Variants in TRRAP observed in about 807,000 individuals in gnomAD.
The protein encoded by TRRAP is transformation/transcription domain-associated protein.
Under a neutral mutation model 438.8 loss-of-function variants are expected in TRRAP, and 41 were observed. That is an observed-to-expected ratio of 0.09 (90% confidence interval 0.07 to 0.12). TRRAP has a LOEUF of 0.12. Ranked by LOEUF, TRRAP falls within the 10% of genes least tolerant of loss-of-function variation. TRRAP has a pLI of 1.00. For missense variants in TRRAP, 3,122 were observed against 5,055.1 expected, an observed-to-expected ratio of 0.62 and a Z score of 11.60; for synonymous variants, 1,994 against 1,962.9, an observed-to-expected ratio of 1.02 and a Z score of -0.42.
At position 98,908,777 on chromosome 7, in the gene TRRAP, C is replaced by A; in HGVS notation, c.1165C>A (p.His389Asn). Residue 389 changes from histidine to asparagine, a missense_variant, in exon 14 of 73, where the codon CAC becomes AAC. Physicochemically the swap from His to Asn is moderately conservative, Grantham distance 68. Coordinates refer to ENST00000456197, the MANE Select transcript of TRRAP (RefSeq NM_001375524.1). This position sits in a 1 kb window ranked among gnomAD's most constrained non-coding sequence, Gnocchi z 4.1. ...LADLVHHVRQHLPLSDLSLAV... is the reference protein window; with the variant it reads ...LADLVHHVRQNLPLSDLSLAV... ...CGACCTCGTGCACCATGTCCGCCAG[C>A]ACCTGCCCCTCAGCGACCTCTCCCT... The A allele has an allele frequency of 6.3e-7, 1 of 1,579,940 alleles. No homozygotes were observed.
intron 2 of TRRAP, 115 bp from the exon 3 acceptor site, chr7:98,881,860 C>T (rs188616375): frequency 3.5e-6 from 4 of 1,141,408 alleles, no homozygotes; most frequent in East Asian, 2.5e-5. Flanking sequence ...TAGGCCATGA[C>T]AGTCAAACTG....
intron 22 of TRRAP, among the ~76,000 whole-genome samples, 153 bp from the exon 23 acceptor site, chr7:98,927,014 A>G (rs1790079459): frequency 6.6e-6 from 1 of 152,162 alleles, no homozygotes; most frequent in Non-Finnish European, 1.5e-5. Context: ...GCGAGACTCC[A>G]TCCAGGTGTT....
intron 30 of TRRAP, among the ~76,000 whole-genome samples, chr7:98,940,999 C>G (rs1554415462): frequency 6.6e-6 from 1 of 152,098 alleles, no homozygotes; most frequent in African/African-American, 2.4e-5. Flanking sequence ...GAAAATTTAC[C>G]TTTCTTTAAG....
rs371004923 is a variant in TRRAP at position 98,881,268 on chromosome 7, A to G, written c.100+18A>G. ...GAATACACGTGAGTTGATCCTTTTT[A>G]TCATTAAGAAATGCATAAATAAGGC... On this transcript the variant is annotated intron_variant, in intron 2 of 72. Transcript: ENST00000456197. 6.3e-6 allele frequency: 10 copies of G among 1,581,006 alleles called. No individual in the cohort carries two copies. In the African/African-American group the frequency reaches 6.8e-5, roughly 11 times the overall value.
intron 41 of TRRAP, among the ~76,000 whole-genome samples, 185 bp from the exon 42 acceptor site, chr7:98,955,961 C>T (rs1425880436): frequency 1.3e-5 from 2 of 152,156 alleles, no homozygotes; most frequent in Non-Finnish European, 2.9e-5. Context: ...TAAACACATA[C>T]ATAAGGCAGT....
chr7:98,889,500 C>A (rs1795866063), intron 3 of TRRAP, among the ~76,000 whole-genome samples: 1 of 151,776 alleles, frequency 6.6e-6, no homozygotes, highest in Non-Finnish European at 1.5e-5. Context: ...CAGAAACTGC[C>A]CTAGTATCTT....
At chr7:98,912,338 C>A (rs1207194116) in intron 18 of TRRAP, 125 bp downstream of exon 18, 1 of 989,488 alleles carries the variant, frequency 1.0e-6, no homozygotes, top group Non-Finnish European at 1.4e-6. Context: ...CTGCCTTGAT[C>A]TCCCCAGTTT....
At chr7:98,989,248 TGAG>T (rs1339312910) in intron 63 of TRRAP, among the ~76,000 whole-genome samples, 14 of 152,332 alleles carry the variant, frequency 9.2e-5, no homozygotes, top group African/African-American at 1.7e-4. Flanking sequence ...AACAGAGGGC[TGAG>T]GAGGGGATGT....
intron 51 of TRRAP, among the ~76,000 whole-genome samples, chr7:98,969,276 CCT>C (rs761290707): frequency 6.6e-6 from 1 of 152,230 alleles, no homozygotes; most frequent in African/African-American, 2.4e-5. Flanking sequence ...TGGCCCCCTG[CCT>C]CTCTCTGCAT....
At chr7:98,941,649 A>G (rs1790801853) in intron 30 of TRRAP, among the ~76,000 whole-genome samples, 1 of 152,186 alleles carries the variant, frequency 6.6e-6, no homozygotes, top group South Asian at 2.1e-4. Context: ...GGTAAGGAGT[A>G]GGGTTCATGA....
intron 52 of TRRAP, among the ~76,000 whole-genome samples, chr7:98,971,170 A>G (rs987089052): frequency 1.3e-5 from 2 of 151,926 alleles, no homozygotes; most frequent in Non-Finnish European, 1.5e-5. Context: ...TCCTTTTTTT[A>G]CTGTTGCTAA....
intron 67 of TRRAP, 144 bp from the exon 68 acceptor site, chr7:99,004,046 C>T: frequency 1.2e-6 from 1 of 826,424 alleles, no homozygotes; most frequent in South Asian, 1.8e-5. Context: ...GCACTCCAGC[C>T]AGGGCAACAA....
chr7:98,984,033 T>C (rs1016580440), intron 60 of TRRAP, 60 bp from the exon 61 acceptor site: 2 of 1,502,032 alleles, frequency 1.3e-6, no homozygotes, highest in African/African-American at 1.4e-5. Flanking sequence ...TTAAGCCTTG[T>C]TGTGAAGTGC....
intron 27 of TRRAP, 45 bp downstream of exon 27, chr7:98,933,447 T>G (rs376218358): frequency 8.2e-6 from 13 of 1,582,040 alleles, no homozygotes; most frequent in Middle Eastern, 1.7e-4. Context: ...TGATGACGTG[T>G]GTCTGCTAGC....
chr7:98,886,352 C>G (rs1046539534), intron 3 of TRRAP, among the ~76,000 whole-genome samples: 2 of 148,822 alleles, frequency 1.3e-5, no homozygotes, highest in African/African-American at 5.0e-5. Context: ...ATATAGATAT[C>G]TATATAGATA....
intron 20 of TRRAP, among the ~76,000 whole-genome samples, chr7:98,918,998 AAAG>A (rs1371557471): frequency 6.6e-6 from 1 of 152,018 alleles, no homozygotes; most frequent in African/African-American, 2.4e-5. Flanking sequence ...AAAAAAAAAA[AAAG>A]AAAAAAAGGT....
chr7:98,944,845 C>A lies in TRRAP; in HGVS notation c.4474-902C>A, dbSNP rs1164029611. ...TTTCTTTGAGACGGAGCCTCTGTCA[C>A]CCAGCCTGGAGTGCAATAGCACAGT... On this transcript the variant is annotated intron_variant, in intron 31 of 72. Coordinates refer to ENST00000456197, the MANE Select transcript of TRRAP (RefSeq NM_001375524.1). 2.6e-5 allele frequency among the ~76,000 whole-genome samples: 4 copies of A among 152,116 alleles called. No individual in the cohort carries two copies. In the East Asian group the frequency reaches 7.7e-4, roughly 29 times the overall value.
chr7:98,967,054 G>A lies in TRRAP; in HGVS notation c.7190G>A (p.Arg2397Gln). The change falls in exon 50 of 73, where the codon CGG (arginine) becomes CAG (glutamine). Residue 2397 changes from arginine to glutamine, a missense_variant. By Grantham distance (43) the Arg-to-Gln change is conservative (BLOSUM62 1). Around this residue, in one of 24 missense-constraint regions of TRRAP, gnomAD observed 992 missense variants for 1,281.2 expected, o/e 0.77. Transcript: ENST00000456197. ...PMAANQTPTL[R>Q]EKSILLVKMM... ...AATTTCATACAGACACCTACACTCCGGGAGAAGTCCATTTTGCTTGTGAAG... is the reference window on the plus strand; with the variant it reads ...AATTTCATACAGACACCTACACTCCAGGAGAAGTCCATTTTGCTTGTGAAG... 6.2e-7 allele frequency: 1 copy of A among 1,613,650 alleles called. No homozygotes were observed. The highest frequency in any genetic ancestry group is 8.5e-7 in the Non-Finnish European group (1 of 1,179,836).
rs190918434 is a variant in TRRAP at position 98,978,805 on chromosome 7, G to T, written c.8535G>T (p.Thr2845=). 1.9e-5 allele frequency: 31 copies of T among 1,614,114 alleles called. No homozygotes were observed. The highest frequency in any genetic ancestry group is 1.6e-5 in the Non-Finnish European group (19 of 1,180,056). The change falls in exon 58 of 73, where the codon ACG becomes ACT. Residue 2845 remains threonine (T), a synonymous_variant. Coordinates refer to ENST00000456197, the MANE Select transcript of TRRAP (RefSeq NM_001375524.1). ...SKELNQWEAL[T]EYGQSKGHIN... ...AATTGAACCAGTGGGAAGCCCTGAC[G>T]GAGTACGGTCAGTCCAAAGGCCACA... is the stretch of plus-strand genomic sequence containing the variant.
Sources: allele counts gnomAD v4.1 joint callset (sites outside exome capture counted in the v4.1 genomes callset), GRCh38; gene constraint gnomAD v4.1.1; regional missense constraint gnomAD v4.1.1; non-coding constraint Gnocchi (gnomAD v3.1); transcripts MANE v1.5; gene names NCBI Gene and HGNC (gene_info 2026-07-23, HGNC 2026-07-21).